SNTB1: variants seen among roughly 807,000 people sequenced by gnomAD.
SNTB1 encodes the protein beta-1-syntrophin.
In SNTB1, 36 loss-of-function variants were observed where a neutral mutation model predicts 48.9. The ratio of observed to expected loss-of-function variants is 0.74; its 90% CI spans 0.56 to 0.97. The LOEUF is 0.97. Ranked by LOEUF, SNTB1 falls within the 50% of genes least tolerant of loss-of-function variation. The pLI, the probability that SNTB1 is intolerant of heterozygous loss-of-function variation, is 0.00. For synonymous variants in SNTB1, 299 were observed against 294.6 expected (o/e 1.01, Z -0.15); for missense variants, 786 against 703.4 (o/e 1.12, Z -1.33).
intron 1 of SNTB1, among the ~76,000 whole-genome samples, chr8:120,784,079 C>T (rs111309622): frequency 0.043 from 6,541 of 152,044 alleles, 197 homozygotes; most frequent in South Asian, 0.093. Context: ...CTGCAACCTC[C>T]ACCTCCTGGG....
At chr8:120,612,901 A>G (rs924157290) in intron 3 of SNTB1, among the ~76,000 whole-genome samples, 16 of 152,218 alleles carry the variant, frequency 1.1e-4, no homozygotes, top group African/African-American at 3.9e-4. Context: ...TTGTGTTGGG[A>G]ACATTCCAAA....
chr8:120,788,971 A>G (rs953585058), intron 1 of SNTB1, among the ~76,000 whole-genome samples: 8 of 152,076 alleles, frequency 5.3e-5, no homozygotes, highest in African/African-American at 1.9e-4. Flanking sequence ...AACATTCTCC[A>G]AGAGAGACTA....
At position 120,632,720 on chromosome 8, in the gene SNTB1, C is replaced by T. The variant is rs1012693415; in HGVS notation, c.789-69G>A. ...TCCTGCTTCGTCAAGATCTGGGTCA[C>T]AAAGGTGAATTAATTCTTTACTCCT... On this transcript the variant is annotated intron_variant, in intron 2 of 6. Transcript: ENST00000517992. 9 of 1,334,514 alleles carry T rather than the reference C, an allele frequency of 6.7e-6. No homozygotes were observed. In the African/African-American group the frequency reaches 1.3e-4, roughly 19 times the overall value. 82.7% of individuals were successfully genotyped at this position (1,334,514 alleles called of 1,614,324 possible). A position where few individuals can be genotyped will look rare whatever the true frequency, so the allele number is the denominator to read the frequency against.
intron 2 of SNTB1, among the ~76,000 whole-genome samples, chr8:120,669,445 T>TAAACTGTAATGGGA (rs1587076145): frequency 2.5e-5 from 2 of 81,326 alleles, no homozygotes; most frequent in South Asian, 3.6e-4. Context: ...AAATGCTTGT[T>TAAACTGTAATGGGA]TTTTTTTTTT....
In SNTB1 at chr8:120,632,513, T is replaced by C. The variant is rs1817001384; in HGVS notation, c.927A>G (p.Arg309=). 1.2e-6 allele frequency: 2 copies of C among 1,614,192 alleles called. No individual in the cohort carries two copies. The highest frequency in any genetic ancestry group is 1.7e-6 in the Non-Finnish European group (2 of 1,180,038). ...CAATGCCTGTTTTCCCCAGCTGCTC[T>C]CTGACCTCAGCAATCACTCGGGTCA... ...DLLTRVIAEV[R]EQLGKTGIAG... is the part of the protein sequence containing the mutation. Residue 309 remains arginine, a synonymous_variant, in exon 3 of 7, where the codon AGA becomes AGG. Coordinates refer to ENST00000517992, the MANE Select transcript of SNTB1 (RefSeq NM_021021.4).
At chr8:120,733,270 A>C (rs975296136) in intron 1 of SNTB1, among the ~76,000 whole-genome samples, 1 of 152,216 alleles carries the variant, frequency 6.6e-6, no homozygotes, top group Non-Finnish European at 1.5e-5. Flanking sequence ...TATGAATGAG[A>C]AGGTCTATCC....
chr8:120,559,659 A>G (rs1449189353), intron 4 of SNTB1, among the ~76,000 whole-genome samples: 1 of 152,200 alleles, frequency 6.6e-6, no homozygotes, highest in South Asian at 2.1e-4. Context: ...CTAGTTTTGA[A>G]CAAAACAAAA....
At chr8:120,785,584 G>A (rs1207325654) in intron 1 of SNTB1, among the ~76,000 whole-genome samples, 3 of 152,206 alleles carry the variant, frequency 2.0e-5, no homozygotes, top group Non-Finnish European at 2.9e-5. Flanking sequence ...GCTTGAGCCC[G>A]CACATGAGAA....
At chr8:120,576,193 C>G (rs868036753) in intron 3 of SNTB1, among the ~76,000 whole-genome samples, 1 of 152,132 alleles carries the variant, frequency 6.6e-6, no homozygotes, top group Non-Finnish European at 1.5e-5. Flanking sequence ...TTCAGGTAAT[C>G]CCTTGGCTCA....
chr8:120,664,348 A>G (rs1264268236), intron 2 of SNTB1, among the ~76,000 whole-genome samples: 2 of 152,202 alleles, frequency 1.3e-5, no homozygotes, highest in East Asian at 3.9e-4. Context: ...CTGCAAGACT[A>G]TTTCTATAAC....
At chr8:120,676,099 T>A (rs1817828680) in intron 2 of SNTB1, among the ~76,000 whole-genome samples, 1 of 152,252 alleles carries the variant, frequency 6.6e-6, no homozygotes, top group Non-Finnish European at 1.5e-5. Flanking sequence ...GAACTCTTGA[T>A]TGTTGAAATA....
At chr8:120,637,887 G>A (rs1817109698) in intron 2 of SNTB1, 1 of 232,504 alleles carries the variant, frequency 4.3e-6, no homozygotes, top group South Asian at 6.8e-5. Context: ...TTGATGCCGA[G>A]TTAAAATCCT....
intron 3 of SNTB1, among the ~76,000 whole-genome samples, chr8:120,629,474 A>C (rs1463624552): frequency 6.6e-6 from 1 of 152,226 alleles, no homozygotes; most frequent in African/African-American, 2.4e-5. Flanking sequence ...AAGAACATCA[A>C]TTTAAGATCA....
chr8:120,761,065 G>T (rs1178067461), intron 1 of SNTB1, among the ~76,000 whole-genome samples: 7 of 152,124 alleles, frequency 4.6e-5, no homozygotes, highest in African/African-American at 1.7e-4. Flanking sequence ...GAATTAAAAG[G>T]TTCTTAAATC....
intron 3 of SNTB1, among the ~76,000 whole-genome samples, chr8:120,625,511 A>C (rs2130746431): frequency 6.6e-6 from 1 of 152,290 alleles, no homozygotes; most frequent in Non-Finnish European, 1.5e-5. Context: ...CCACCCACCT[A>C]CTCACTCATC....
intron 4 of SNTB1, among the ~76,000 whole-genome samples, chr8:120,561,319 C>CAAAAAAA (rs1221884195): frequency 1.6e-3 from 73 of 45,550 alleles, no homozygotes; most frequent in African/African-American, 5.1e-3. Context: ...AACTCCATCT[C>CAAAAAAA]AAAAAAAAAA....
At chr8:120,732,098 A>G (rs1818862659) in intron 1 of SNTB1, among the ~76,000 whole-genome samples, 2 of 152,194 alleles carry the variant, frequency 1.3e-5, no homozygotes, top group South Asian at 4.1e-4. Context: ...ACCTTTGTAA[A>G]GAGCTTTATG....
At chr8:120,586,174 A>G (rs1292520249) in intron 3 of SNTB1, among the ~76,000 whole-genome samples, 1 of 152,248 alleles carries the variant, frequency 6.6e-6, no homozygotes, top group Non-Finnish European at 1.5e-5. Flanking sequence ...GAATTAGCCA[A>G]TTATTACCAA....
chr8:120,561,993 A>T (rs563045211), intron 4 of SNTB1, among the ~76,000 whole-genome samples: 1 of 152,066 alleles, frequency 6.6e-6, no homozygotes, highest in East Asian at 1.9e-4. Flanking sequence ...CAGTCTCCCG[A>T]CTCCATCCTA....
Sources: allele counts gnomAD v4.1 joint callset (sites outside exome capture counted in the v4.1 genomes callset), GRCh38; gene constraint gnomAD v4.1.1; transcripts MANE v1.5; gene names NCBI Gene and HGNC (gene_info 2026-07-23, HGNC 2026-07-21).